Variants in PLA2G5 observed in about 807,000 individuals in gnomAD.
The protein encoded by PLA2G5 is phospholipase A2 group V, also known as Ca2+-dependent phospholipase A2.
PLA2G5 carries 12 observed loss-of-function variants against 15.9 expected under a neutral mutation model. The ratio of observed to expected loss-of-function variants is 0.76; its 90% CI spans 0.48 to 1.23. The LOEUF is 1.23. Ranked by LOEUF, PLA2G5 falls within the 50% of genes most tolerant of loss-of-function variation. The pLI, the probability that PLA2G5 is intolerant of heterozygous loss-of-function variation, is 0.00. For synonymous variants in PLA2G5, 71 were observed against 71.4 expected (o/e 0.99, Z 0.03); for missense variants, 169 against 177.1 (o/e 0.95, Z 0.26).
chr1:20,088,019 C>G (rs1340148407), intron 3 of PLA2G5, among the ~76,000 whole-genome samples: 1 of 152,132 alleles, frequency 6.6e-6, no homozygotes, highest in African/African-American at 2.4e-5. Flanking sequence ...CAGTCAAGAA[C>G]AAGGAAAGCA....
At chr1:20,047,834 C>T (rs1487018105) in intron 1 of PLA2G5, among the ~76,000 whole-genome samples, 2 of 151,256 alleles carry the variant, frequency 1.3e-5, no homozygotes, top group Non-Finnish European at 2.9e-5. Flanking sequence ...TTTTAATTTT[C>T]CTGTAACATG....
intron 1 of PLA2G5, among the ~76,000 whole-genome samples, chr1:20,056,883 A>G (rs1243826279): frequency 6.6e-6 from 1 of 152,176 alleles, no homozygotes; most frequent in African/African-American, 2.4e-5. Flanking sequence ...TTATTGATTC[A>G]ATTTATTTAA....
At chr1:20,058,206 C>A (rs1221109142) in intron 1 of PLA2G5, among the ~76,000 whole-genome samples, 2 of 152,148 alleles carry the variant, frequency 1.3e-5, no homozygotes, top group Admixed American at 6.5e-5. Context: ...TGGCTCTGTT[C>A]ATTACTGAGA....
intron 1 of PLA2G5, among the ~76,000 whole-genome samples, chr1:20,033,970 G>A (rs1192885920): frequency 6.6e-6 from 1 of 152,050 alleles, no homozygotes; most frequent in African/African-American, 2.4e-5. Flanking sequence ...TGAAGGGAAG[G>A]GACATGTCCC....
intron 1 of PLA2G5, chr1:20,077,047 A>C (rs1181893588): frequency 6.6e-6 from 1 of 152,290 alleles, no homozygotes; most frequent in African/African-American, 2.4e-5. Flanking sequence ...TGATAGACCC[A>C]GCAAATGACA....
At chr1:20,074,640 TA>T (rs2015571962) in intron 1 of PLA2G5, among the ~76,000 whole-genome samples, 1 of 152,130 alleles carries the variant, frequency 6.6e-6, no homozygotes, top group African/African-American at 2.4e-5. Context: ...TTTCTTTTCC[TA>T]AAAAGTGGCA....
At chr1:20,082,057 G>A (rs1557752453) in intron 1 of PLA2G5, among the ~76,000 whole-genome samples, 1 of 151,712 alleles carries the variant, frequency 6.6e-6, no homozygotes, top group African/African-American at 2.4e-5. Flanking sequence ...AAAAGAATTC[G>A]ACTGAGGGAC....
intron 2 of PLA2G5, among the ~76,000 whole-genome samples, chr1:20,064,544 T>C (rs1397208591): frequency 6.0e-5 from 9 of 150,856 alleles, no homozygotes; most frequent in East Asian, 2.0e-4. Flanking sequence ...CACTGTACTT[T>C]AGCCTGGGTG....
chr1:20,028,884 C>G (rs2012714107), intron 1 of PLA2G5, among the ~76,000 whole-genome samples: 3 of 152,298 alleles, frequency 2.0e-5, no homozygotes, highest in South Asian at 2.1e-4. Context: ...TCTTCAGTGC[C>G]CTGCTGCTCA....
intron 1 of PLA2G5, among the ~76,000 whole-genome samples, chr1:20,080,825 C>A (rs1569812442): frequency 6.6e-6 from 1 of 151,778 alleles, no homozygotes; most frequent in Non-Finnish European, 1.5e-5. Context: ...ATCTTTGGGG[C>A]TGCTTTGCCT....
At chr1:20,052,526 G>T (rs78369224) in intron 1 of PLA2G5, among the ~76,000 whole-genome samples, 1 of 151,960 alleles carries the variant, frequency 6.6e-6, no homozygotes, top group East Asian at 1.9e-4. Context: ...TTCATTTGTT[G>T]TTGTTTTTCT....
chr1:20,037,863 A>T (rs1233552467), intron 1 of PLA2G5, among the ~76,000 whole-genome samples: 1 of 152,100 alleles, frequency 6.6e-6, no homozygotes, highest in Admixed American at 6.5e-5. Context: ...GAGATGGACC[A>T]TCTGGTGGGA....
At chr1:20,087,868 G>GC (rs1299466318) in intron 3 of PLA2G5, among the ~76,000 whole-genome samples, 2 of 152,262 alleles carry the variant, frequency 1.3e-5, no homozygotes, top group African/African-American at 4.8e-5. Context: ...GACTGAAAGA[G>GC]CCCCCAGTGG....
intron 1 of PLA2G5, among the ~76,000 whole-genome samples, chr1:20,051,949 CAAAGTTTT>C (rs2014197699): frequency 6.6e-6 from 1 of 152,124 alleles, no homozygotes; most frequent in African/African-American, 2.4e-5. Context: ...TTGGCTTTAA[CAAAGTTTT>C]ATCTGAGATT....
chr1:20,037,281 G>A (rs1050216034), intron 1 of PLA2G5, among the ~76,000 whole-genome samples: 5 of 152,110 alleles, frequency 3.3e-5, no homozygotes, highest in African/African-American at 1.2e-4. Context: ...CTTCCTTTAG[G>A]GATGGGGCTT....
At chr1:20,082,016 C>G (rs1197316697) in intron 1 of PLA2G5, among the ~76,000 whole-genome samples, 1 of 151,630 alleles carries the variant, frequency 6.6e-6, no homozygotes, top group Non-Finnish European at 1.5e-5. Context: ...GGTGCCACTG[C>G]ACTCCAGCCT....
rs116749756 is a variant in PLA2G5 at position 20,033,901 on chromosome 1, G to A, written n.276+5192G>A. Among the ~76,000 whole-genome samples, 1,238 of 152,094 alleles carry A rather than the reference G, an allele frequency of 8.1e-3. 21 individuals carry two copies. The highest frequency in any genetic ancestry group is 0.028 in the African/African-American group (1,167 of 41,486). On this transcript the variant is annotated intron_variant and non_coding_transcript_variant, in intron 1 of 6. Coordinates refer to the PLA2G5 transcript ENST00000460175. ...GGAGCTTGGCCAGCAAGCTAAAGTC[G>A]GGAATTCACAGTCGGAAGTATCCCA...
intron 1 of PLA2G5, among the ~76,000 whole-genome samples, chr1:20,082,698 A>G (rs2016095519): frequency 6.6e-6 from 1 of 151,940 alleles, no homozygotes; most frequent in Non-Finnish European, 1.5e-5. Flanking sequence ...TATGAAAGGC[A>G]TGCTCACAGA....
chr1:20,029,980 G>A (rs958814896), intron 1 of PLA2G5, among the ~76,000 whole-genome samples: 1 of 152,210 alleles, frequency 6.6e-6, no homozygotes, highest in Non-Finnish European at 1.5e-5. Flanking sequence ...TTGAATCCTG[G>A]ATAAAGTTTT....
Sources: allele counts gnomAD v4.1 joint callset (sites outside exome capture counted in the v4.1 genomes callset), GRCh38; gene constraint gnomAD v4.1.1; transcripts MANE v1.5; gene names NCBI Gene and HGNC (gene_info 2026-07-23, HGNC 2026-07-21).